EIF5B: variants seen among roughly 807,000 people sequenced by gnomAD.
EIF5B encodes the protein eukaryotic translation initiation factor 5B.
A neutral mutation model predicts 147.5 loss-of-function variants in EIF5B; 47 were observed. The observed-to-expected ratio is 0.32, with a 90% CI of 0.25 to 0.41. The LOEUF (loss-of-function observed/expected upper bound fraction) is 0.41. Among genes scored for constraint, EIF5B ranks in the 10% least tolerant of loss-of-function variants. The pLI, the probability that EIF5B is intolerant of heterozygous loss-of-function variation, is 1.00. For synonymous variants in EIF5B, 455 were observed against 456.2 expected (o/e 1.00, Z 0.03); for missense variants, 1,064 against 1,413.2 (o/e 0.75, Z 3.96).
At chr2:99,385,003 T>C (rs1245605005) in intron 14 of EIF5B, among the ~76,000 whole-genome samples, 1 of 152,232 alleles carries the variant, frequency 6.6e-6, no homozygotes, top group Non-Finnish European at 1.5e-5. Context: ...AAAGAAGCTC[T>C]ATTCTGGGTA....
intron 1 of EIF5B, among the ~76,000 whole-genome samples, chr2:99,337,995 G>A (rs1359063398): frequency 6.6e-6 from 1 of 152,234 alleles, no homozygotes; most frequent in Non-Finnish European, 1.5e-5. Flanking sequence ...GGAGGGAAGG[G>A]AGCTTGAATG....
chr2:99,340,031 C>A (rs1375127639), intron 1 of EIF5B, among the ~76,000 whole-genome samples: 1 of 152,048 alleles, frequency 6.6e-6, no homozygotes, highest in East Asian at 1.9e-4. Flanking sequence ...GAAATTGATA[C>A]ATTTTGTGAG....
intron 1 of EIF5B, among the ~76,000 whole-genome samples, chr2:99,339,931 T>A (rs2105332516): frequency 6.6e-6 from 1 of 152,322 alleles, no homozygotes; most frequent in Non-Finnish European, 1.5e-5. Context: ...TTGTTGTTGT[T>A]GTTTTGGTTT....
At chr2:99,370,467 T>C (rs1466485723) in intron 8 of EIF5B, among the ~76,000 whole-genome samples, 2 of 152,242 alleles carry the variant, frequency 1.3e-5, no homozygotes, top group African/African-American at 4.8e-5. Flanking sequence ...TCTTTTCTCT[T>C]CTGAGCGAAT....
At chr2:99,384,357 G>C (rs568602046) in intron 14 of EIF5B, among the ~76,000 whole-genome samples, 14 of 152,236 alleles carry the variant, frequency 9.2e-5, no homozygotes, top group African/African-American at 3.4e-4. Flanking sequence ...ATATATTACT[G>C]CTTGCTAACA....
rs1238868491 is a variant in EIF5B at position 99,364,234 on chromosome 2, T to C, written c.1138-37T>C. Reference sequence around the variant, plus strand: ...CATTTGAATTTTATAGTTCATTAAATGAATACAGGTTTTGTCTGACATGTA... The same window carrying C: ...CATTTGAATTTTATAGTTCATTAAACGAATACAGGTTTTGTCTGACATGTA... On this transcript the variant is annotated intron_variant, in intron 5 of 23. Transcript: ENST00000289371. 15 of 1,533,186 alleles carry C rather than the reference T, an allele frequency of 9.8e-6. No homozygotes were observed. In the South Asian group the frequency reaches 1.3e-4, roughly 14 times the overall value. The allele number at this position is 1,533,186 out of a possible 1,614,324, so 95.0% of individuals were successfully genotyped here.
chr2:99,365,002 G>C (rs1256265466), intron 6 of EIF5B, among the ~76,000 whole-genome samples: 1 of 152,170 alleles, frequency 6.6e-6, no homozygotes. Flanking sequence ...GAGGGTAATA[G>C]TGTTTAGAGA....
intron 1 of EIF5B, among the ~76,000 whole-genome samples, chr2:99,348,091 G>T (rs1180916861): frequency 6.6e-6 from 1 of 152,016 alleles, no homozygotes; most frequent in South Asian, 2.1e-4. Context: ...TGTGTATCGG[G>T]GGCGTCTACA....
chr2:99,361,785 C>A lies in EIF5B; in HGVS notation c.884C>A (p.Ser295Tyr). ...GTTGATACTGGAGTAATTCCTGCCT[C>A]TGAAGAGAAAGCAGAGACTCCCACA... ...VTVDTGVIPA[S>Y]EEKAETPTAA... Residue 295 changes from serine (S) to tyrosine (Y), a missense_variant, in exon 4 of 24, where the codon TCT becomes TAT. By Grantham distance (144) the Ser-to-Tyr change is moderately radical. Around this residue, in one of 4 missense-constraint regions of EIF5B, gnomAD observed 458 missense variants for 451.3 expected, o/e 1.01. Coordinates refer to ENST00000289371, the MANE Select transcript of EIF5B (RefSeq NM_015904.4). 6.4e-7 allele frequency: 1 copy of A among 1,564,280 alleles called. No homozygotes were observed. The highest frequency in any genetic ancestry group is 2.2e-5 in the Admixed American group (1 of 44,680).
At chr2:99,343,207 T>G (rs1237408497) in intron 1 of EIF5B, among the ~76,000 whole-genome samples, 2 of 151,434 alleles carry the variant, frequency 1.3e-5, no homozygotes, top group Non-Finnish European at 2.9e-5. Context: ...CCATCCGTCT[T>G]GGCTTCCCAA....
intron 1 of EIF5B, among the ~76,000 whole-genome samples, chr2:99,340,139 G>A (rs190988509): frequency 6.6e-6 from 1 of 152,168 alleles, no homozygotes; most frequent in Admixed American, 6.5e-5. Flanking sequence ...CCTTTGACTG[G>A]AACTGCTTGG....
rs1674634839 is a variant in EIF5B at position 99,379,014 on chromosome 2, T to A, written c.1843-5T>A. On this transcript the variant is annotated splice_region_variant and splice_polypyrimidine_tract_variant and intron_variant, in intron 10 of 23. Coordinates refer to ENST00000289371, the MANE Select transcript of EIF5B (RefSeq NM_015904.4). ...TTTTTGATTTTTTTTTTTTTTTATT[T>A]CTAGAAACGGCGACTTGAACATAGT... is the stretch of plus-strand genomic sequence containing the variant. The A allele has an allele frequency of 2.6e-6, 4 of 1,518,688 alleles. No homozygotes were observed. The East Asian group carries it at 9.2e-5, about 35-fold the overall frequency. 94.1% of individuals were successfully genotyped at this position (1,518,688 alleles called of 1,614,324 possible). A position where few individuals can be genotyped will look rare whatever the true frequency, so the allele number is the denominator to read the frequency against.
At chr2:99,342,631 T>C (rs2094262566) in intron 1 of EIF5B, among the ~76,000 whole-genome samples, 1 of 147,968 alleles carries the variant, frequency 6.8e-6, no homozygotes. Context: ...TGTCTCCTTT[T>C]CTCCTTCCTT....
At position 99,361,561 on chromosome 2, in the gene EIF5B, C is replaced by T. The variant is rs201286460; in HGVS notation, c.660C>T (p.Asp220=). The change falls in exon 4 of 24, where the codon GAC becomes GAT. Residue 220 remains aspartate (D), a synonymous_variant. Transcript: ENST00000289371. ...PNIESGNEDD[D]ASFKIKTVAQ... ...TAGAAAGTGGGAATGAAGATGATGA[C>T]GCCTCCTTCAAAATTAAGACAGTGG... 509 of 1,612,440 alleles carry T rather than the reference C, an allele frequency of 3.2e-4. 5 individuals carry two copies. The Admixed American group carries it at 8.0e-3, about 25-fold the overall frequency.
At chr2:99,388,355 T>C (rs1484206927) in intron 14 of EIF5B, among the ~76,000 whole-genome samples, 2 of 152,210 alleles carry the variant, frequency 1.3e-5, no homozygotes, top group Non-Finnish European at 2.9e-5. Flanking sequence ...CATCATCCTT[T>C]CCTTATTCCT....
rs537080586 is a variant in EIF5B, at chr2:99,343,575, T to C, written c.35+5986T>C. On this transcript the variant is annotated intron_variant, in intron 1 of 23. Coordinates refer to ENST00000289371, the MANE Select transcript of EIF5B (RefSeq NM_015904.4). The stretch of plus-strand genomic sequence containing the variant: ...GCTCATGCCTGTAATCCCAGCACTT[T>C]GGGAGGCCGAGGTGGGTGGATCACC... Among the ~76,000 whole-genome samples the C allele has an allele frequency of 3.9e-5, 6 of 151,996 alleles. No individual in the cohort carries two copies. The South Asian group carries it at 1.0e-3, about 26-fold the overall frequency.
chr2:99,359,426 G>T (rs1470884211), intron 1 of EIF5B, among the ~76,000 whole-genome samples: 1 of 152,014 alleles, frequency 6.6e-6, no homozygotes, highest in African/African-American at 2.4e-5. Context: ...CTCTTACAAG[G>T]TGTCCATTAT....
At chr2:99,370,658 A>G (rs1295620755) in intron 8 of EIF5B, among the ~76,000 whole-genome samples, 1 of 152,232 alleles carries the variant, frequency 6.6e-6, no homozygotes, top group African/African-American at 2.4e-5. Flanking sequence ...AAGATAACTT[A>G]TGCAGGCTTG....
chr2:99,361,760 G>C lies in EIF5B; in HGVS notation c.859G>C (p.Val287Leu). 6.3e-7 allele frequency: 1 copy of C among 1,583,766 alleles called. No homozygotes were observed. ...EEETVKSKVT[V>L]DTGVIPASEE... The stretch of plus-strand genomic sequence containing the variant: ...AGAAACTGTAAAATCCAAAGTGACT[G>C]TTGATACTGGAGTAATTCCTGCCTC... The change falls in exon 4 of 24, where the codon GTT (valine) becomes CTT (leucine). Residue 287 changes from valine (V) to leucine (L), a missense_variant. Val to Leu is a conservative substitution (Grantham distance 32). Transcript: ENST00000289371.
Sources: allele counts gnomAD v4.1 joint callset (sites outside exome capture counted in the v4.1 genomes callset), GRCh38; gene constraint gnomAD v4.1.1; regional missense constraint gnomAD v4.1.1; transcripts MANE v1.5; gene names NCBI Gene and HGNC (gene_info 2026-07-23, HGNC 2026-07-21).